Variants in UPRT observed in about 807,000 individuals in gnomAD.
UPRT encodes the protein RP11-311P8.3.
In UPRT, 5 loss-of-function variants were observed where a neutral mutation model predicts 22.6. The ratio of observed to expected loss-of-function variants is 0.22; its 90% CI spans 0.12 to 0.47. The LOEUF is 0.47. Ranked by LOEUF, UPRT falls within the 20% of genes least tolerant of loss-of-function variation. The pLI is 0.99. For synonymous variants in UPRT, 77 were observed against 87.7 expected, an observed-to-expected ratio of 0.88 and a Z score of 0.68; for missense variants, 181 against 239.9, an observed-to-expected ratio of 0.75 and a Z score of 1.62.
At chrX:75,298,408 G>C (rs1435115985) in intron 4 of UPRT, among the ~76,000 whole-genome samples, 2 of 111,575 alleles carry the variant, frequency 1.8e-5, no homozygotes. Context: ...ATTTGTGTTT[G>C]AGTCCAACTG....
chrX:75,297,840 T>A (rs1384883280), intron 4 of UPRT: 3 of 300,524 alleles, frequency 1.0e-5, no homozygotes, highest in Non-Finnish European at 1.8e-5. Context: ...GGTGATGCTA[T>A]CTTGGGGAGA....
At chrX:75,212,554 G>C (rs948578077) in intron 4 of UPRT, among the ~76,000 whole-genome samples, 1 of 112,204 alleles carries the variant, frequency 8.9e-6, no homozygotes, top group African/African-American at 3.2e-5. Context: ...GCCCATCAAT[G>C]ATAGACTGGA....
chrX:75,249,157 G>T (rs2082518610), intron 4 of UPRT, among the ~76,000 whole-genome samples: 1 of 111,302 alleles, frequency 9.0e-6, no homozygotes, highest in Non-Finnish European at 1.9e-5. Context: ...CAACTAACGA[G>T]CAAAATAACC....
At chrX:75,228,370 T>C (rs2082428975) in intron 4 of UPRT, among the ~76,000 whole-genome samples, 1 of 111,830 alleles carries the variant, frequency 8.9e-6, no homozygotes, top group African/African-American at 3.2e-5. Context: ...TTGTAACTCA[T>C]GTCTAGTCAA....
intron 1 of UPRT, among the ~76,000 whole-genome samples, chrX:75,275,488 A>G (rs2082627724): frequency 9.0e-6 from 1 of 111,356 alleles, no homozygotes; most frequent in Admixed American, 9.6e-5. Context: ...AAAAATGGCT[A>G]CTGAATGACA....
intron 4 of UPRT, among the ~76,000 whole-genome samples, chrX:75,255,064 C>T (rs915383632): frequency 8.1e-5 from 9 of 110,499 alleles, no homozygotes; most frequent in Admixed American, 2.9e-4. Flanking sequence ...CGTGAGCCAC[C>T]GCGCCCGGCC....
At chrX:75,211,359 C>T (rs1320072761) in intron 4 of UPRT, among the ~76,000 whole-genome samples, 6 of 111,136 alleles carry the variant, frequency 5.4e-5, no homozygotes, top group Non-Finnish European at 9.4e-5. Context: ...TTCAAGGGCA[C>T]CCCTGAGAAG....
intron 4 of UPRT, among the ~76,000 whole-genome samples, chrX:75,239,407 A>G (rs958184419): frequency 9.0e-6 from 1 of 111,259 alleles, no homozygotes; most frequent in Non-Finnish European, 1.9e-5. Flanking sequence ...ATGAGGAAAT[A>G]TAACTTTTGA....
chrX:75,239,332 T>A, intron 4 of UPRT, among the ~76,000 whole-genome samples: 1 of 111,199 alleles, frequency 9.0e-6, no homozygotes, highest in Middle Eastern at 4.6e-3. Context: ...GTGAACAACT[T>A]TATGTGCGAA....
intron 1 of UPRT, among the ~76,000 whole-genome samples, chrX:75,285,126 A>G (rs1488791933): frequency 1.8e-5 from 2 of 111,218 alleles, no homozygotes; most frequent in African/African-American, 6.5e-5. Context: ...TGTAAACCGA[A>G]GTGCTGGTCT....
In UPRT at chrX:75,231,349, A is replaced by T. The variant is rs144208730; in HGVS notation, c.-446-59675A>T. Among the ~76,000 whole-genome samples the T allele has an allele frequency of 4.3e-3, 485 of 112,122 alleles. 2 individuals carry two copies. The highest frequency in any genetic ancestry group is 0.015 in the African/African-American group (466 of 30,971). ...TAAAATAAAACAATTAGAAGAAAAA[A>T]CTTCCACACTCAAAGAAAAGGCTTT... is the stretch of plus-strand genomic sequence containing the variant. On this transcript the variant is annotated intron_variant, in intron 4 of 13. Transcript: ENST00000652605.
intron 4 of UPRT, among the ~76,000 whole-genome samples, chrX:75,298,372 C>T (rs1285698293): frequency 4.5e-5 from 5 of 111,054 alleles, no homozygotes; most frequent in Non-Finnish European, 9.4e-5. Flanking sequence ...CTAGGTATTT[C>T]CATCTGCTGG....
At chrX:75,219,293 C>T (rs13440850) in intron 4 of UPRT, among the ~76,000 whole-genome samples, 8 of 112,061 alleles carry the variant, frequency 7.1e-5, no homozygotes, top group African/African-American at 2.6e-4. Context: ...GCCATGGACA[C>T]AGCTGGATTT....
intron 4 of UPRT, among the ~76,000 whole-genome samples, chrX:75,264,480 G>A (rs1048992474): frequency 7.2e-5 from 8 of 111,202 alleles, no homozygotes; most frequent in Non-Finnish European, 1.5e-4. Context: ...TTGTGTAATG[G>A]CCTTCTTTGT....
At chrX:75,239,752 T>C (rs1053467701) in intron 4 of UPRT, among the ~76,000 whole-genome samples, 3 of 111,539 alleles carry the variant, frequency 2.7e-5, no homozygotes, top group Non-Finnish European at 5.7e-5. Flanking sequence ...TAATACATCA[T>C]GATTAAGTGG....
chrX:75,169,378 C>T (rs1259075367), intron 4 of UPRT, among the ~76,000 whole-genome samples: 1 of 112,170 alleles, frequency 8.9e-6, no homozygotes, highest in Non-Finnish European at 1.9e-5. Context: ...AGTTGACATT[C>T]CCACCAGCAG....
chrX:75,181,195 T>G (rs1037180865), intron 4 of UPRT, among the ~76,000 whole-genome samples: 4 of 110,938 alleles, frequency 3.6e-5, no homozygotes, highest in African/African-American at 1.3e-4. Context: ...GGCTTTCTAT[T>G]CTGCTTCATT....
chrX:75,215,368 A>G (rs755701801), intron 4 of UPRT, among the ~76,000 whole-genome samples: 9 of 111,798 alleles, frequency 8.1e-5, no homozygotes, highest in Non-Finnish European at 1.5e-4. Flanking sequence ...AATAATACAG[A>G]TCACATCAGA....
Position 75,274,324 on chromosome X carries a change from C to G in UPRT, c.70C>G (p.Pro24Ala). Reference protein sequence around the residue: ...HNQQVNSASTPSPEQLRPGDL... With the variant: ...HNQQVNSASTASPEQLRPGDL... ...CCAGCAAGTAAACTCTGCCTCAACCCCAAGTCCCGAGCAGCTGCGACCTGG... is the reference window on the plus strand; with the variant it reads ...CCAGCAAGTAAACTCTGCCTCAACCGCAAGTCCCGAGCAGCTGCGACCTGG... Residue 24 changes from proline (P) to alanine (A), a missense_variant, in exon 1 of 7, where the codon CCA becomes GCA. Physicochemically the swap from Pro to Ala is conservative, Grantham distance 27 (BLOSUM62 -1). Transcript: ENST00000373383. The G allele has an allele frequency of 1.7e-6, 2 of 1,211,749 alleles. No individual in the cohort carries two copies. The highest frequency in any genetic ancestry group is 2.2e-5 in the Admixed American group (1 of 46,077).
Sources: allele counts gnomAD v4.1 joint callset (sites outside exome capture counted in the v4.1 genomes callset), GRCh38; gene constraint gnomAD v4.1.1; transcripts MANE v1.5; gene names NCBI Gene and HGNC (gene_info 2026-07-23, HGNC 2026-07-21).